GLI3: variants seen among roughly 807,000 people sequenced by gnomAD.
GLI3 encodes transcription activator GLI3.
A neutral mutation model predicts 100.8 loss-of-function variants in GLI3; 20 were observed. That is an observed-to-expected ratio of 0.20 (90% CI 0.14 to 0.29). The LOEUF is 0.29. Ranked by LOEUF, GLI3 falls within the 10% of genes least tolerant of loss-of-function variation. The pLI, the probability that GLI3 is intolerant of heterozygous loss-of-function variation, is 1.00. For synonymous variants in GLI3, 938 were observed against 860.5 expected (o/e 1.09, Z -1.58); for missense variants, 2,040 against 2,128.5 (o/e 0.96, Z 0.82).
intron 2 of GLI3, among the ~76,000 whole-genome samples, chr7:42,162,906 T>C (rs1313935984): frequency 2.6e-5 from 4 of 151,422 alleles, no homozygotes; most frequent in African/African-American, 7.3e-5. Flanking sequence ...TCCCTTTCTA[T>C]GCATTACTGT....
chr7:42,162,952 G>A (rs1378651686), intron 2 of GLI3, among the ~76,000 whole-genome samples: 2 of 147,242 alleles, frequency 1.4e-5, no homozygotes, highest in East Asian at 2.0e-4. Context: ...CCAGGGGAAG[G>A]AGGAATAAAC....
chr7:42,200,409 C>T (rs889539132), intron 2 of GLI3, among the ~76,000 whole-genome samples: 4 of 152,130 alleles, frequency 2.6e-5, no homozygotes, highest in Non-Finnish European at 5.9e-5. Context: ...CCTTATCCTT[C>T]AAATATTTGT....
At chr7:42,227,090 C>T (rs1441878458) in intron 1 of GLI3, among the ~76,000 whole-genome samples, 1 of 152,180 alleles carries the variant, frequency 6.6e-6, no homozygotes, top group African/African-American at 2.4e-5. Context: ...TTAAGTTCTG[C>T]TTCACTTCAA....
Position 42,160,469 on chromosome 7 carries a change from G to A in GLI3, c.125-12001C>T, listed in dbSNP as rs78579310. The stretch of plus-strand genomic sequence containing the variant: ...CTCATATCCATAGCCTTGGGGTCAC[G>A]GCATACAATATTTCTAATAATTTTG... On this transcript the variant is annotated intron_variant, in intron 2 of 14. Coordinates refer to ENST00000395925, the MANE Select transcript of GLI3 (RefSeq NM_000168.6). Among the ~76,000 whole-genome samples, 164 of 152,200 alleles carry A rather than the reference G, an allele frequency of 1.1e-3. 1 individual carries two copies. The highest frequency in any genetic ancestry group is 7.1e-3 in the South Asian group (34 of 4,820).
chr7:42,018,157 C>T (rs1325223652), intron 10 of GLI3, among the ~76,000 whole-genome samples: 1 of 152,154 alleles, frequency 6.6e-6, no homozygotes, highest in African/African-American at 2.4e-5. Context: ...ACAATTTCTG[C>T]AGGTGCAATT....
chr7:42,083,949 G>A (rs1359189687), intron 3 of GLI3, among the ~76,000 whole-genome samples: 1 of 152,136 alleles, frequency 6.6e-6, no homozygotes, highest in African/African-American at 2.4e-5. Flanking sequence ...TATAAATTAA[G>A]TAAAACAAAT....
At chr7:42,147,194 T>C (rs1452832016) in intron 3 of GLI3, among the ~76,000 whole-genome samples, 1 of 152,202 alleles carries the variant, frequency 6.6e-6, no homozygotes, top group African/African-American at 2.4e-5. Flanking sequence ...CATTCCCCTT[T>C]GCTGCAAGCC....
intron 2 of GLI3, among the ~76,000 whole-genome samples, chr7:42,159,898 C>A (rs1490432920): frequency 6.6e-6 from 1 of 152,138 alleles, no homozygotes; most frequent in Non-Finnish European, 1.5e-5. Context: ...GATGTTATTT[C>A]TTTTTCAATT....
intron 2 of GLI3, among the ~76,000 whole-genome samples, chr7:42,193,716 A>G (rs755320923): frequency 9.2e-5 from 14 of 152,154 alleles, no homozygotes; most frequent in Non-Finnish European, 1.5e-4. Flanking sequence ...GGTTTCCTGG[A>G]TATAAATCAA....
intron 1 of GLI3, among the ~76,000 whole-genome samples, chr7:42,228,131 G>C (rs1183532147): frequency 6.6e-6 from 1 of 152,022 alleles, no homozygotes; most frequent in Admixed American, 6.5e-5. Context: ...GCGCAGCGCT[G>C]TCTGCAGCCG....
chr7:42,255,118 G>A (rs1030151008), intron 1 of GLI3, among the ~76,000 whole-genome samples: 21 of 136,782 alleles, frequency 1.5e-4, no homozygotes, highest in African/African-American at 6.1e-4. Context: ...CTTTTAGTTT[G>A]GAACGCTATT....
At chr7:41,984,743 C>T (rs1015382434) in intron 10 of GLI3, among the ~76,000 whole-genome samples, 2 of 152,232 alleles carry the variant, frequency 1.3e-5, no homozygotes, top group African/African-American at 4.8e-5. Flanking sequence ...CCAGACAGCT[C>T]CCCTGCGCAT....
chr7:42,201,146 CTAA>C (rs1276903090), intron 2 of GLI3, among the ~76,000 whole-genome samples: 2 of 152,048 alleles, frequency 1.3e-5, no homozygotes, highest in Non-Finnish European at 2.9e-5. Context: ...ACAACAATAA[CTAA>C]TAATAAAATA....
In GLI3 at chr7:41,966,100, G is replaced by C. The variant is rs771130092; in HGVS notation, c.2973C>G (p.His991Gln). Residue 991 changes from histidine to glutamine, a missense_variant, in exon 15 of 15, where the codon CAC (histidine) becomes CAG (glutamine). Transcript: ENST00000395925. This position sits in a 1 kb window ranked among gnomAD's most constrained non-coding sequence, Gnocchi z 5.8. Reference protein sequence around the residue: ...DGGAHGYGRRHLQPHDAPGHG... With the variant: ...DGGAHGYGRRQLQPHDAPGHG... ...GGCCCGGCGCATCGTGCGGCTGCAGGTGGCGCCGCCCGTAGCCGTGGGCTC... is the reference window on the plus strand; with the variant it reads ...GGCCCGGCGCATCGTGCGGCTGCAGCTGGCGCCGCCCGTAGCCGTGGGCTC... 11 of 1,572,194 alleles carry C rather than the reference G, an allele frequency of 7.0e-6. No homozygotes were observed. The highest frequency in any genetic ancestry group is 8.6e-6 in the Non-Finnish European group (10 of 1,164,954).
intron 2 of GLI3, among the ~76,000 whole-genome samples, chr7:42,191,498 C>T (rs1472098758): frequency 2.0e-5 from 3 of 151,862 alleles, no homozygotes; most frequent in Admixed American, 1.3e-4. Flanking sequence ...ACTAAAAATA[C>T]AAAATTAGCT....
intron 4 of GLI3, among the ~76,000 whole-genome samples, chr7:42,065,171 A>G (rs1784649567): frequency 6.7e-6 from 1 of 148,978 alleles, no homozygotes; most frequent in South Asian, 2.1e-4. Flanking sequence ...TTTATTTTAT[A>G]AAAATTATAT....
In GLI3 at chr7:41,978,451, C is replaced by T; in HGVS notation, c.1647+148G>A. Reference sequence around the variant, plus strand: ...GCGCTGTCCAACTCAGTCACTCAAACACCGAGGCATTTATCACCAGACAAT... The same window carrying T: ...GCGCTGTCCAACTCAGTCACTCAAATACCGAGGCATTTATCACCAGACAAT... On this transcript the variant is annotated intron_variant, in intron 11 of 14. Coordinates refer to ENST00000395925, the MANE Select transcript of GLI3 (RefSeq NM_000168.6). The T allele has an allele frequency of 1.6e-5, 13 of 789,650 alleles. No homozygotes were observed. In the South Asian group the frequency reaches 1.7e-4, roughly 10 times the overall value. The allele number at this position is 789,650 out of a possible 1,614,324, so 48.9% of individuals were successfully genotyped here.
At chr7:41,968,595 A>G (rs1787251765) in intron 13 of GLI3, among the ~76,000 whole-genome samples, 1 of 152,086 alleles carries the variant, frequency 6.6e-6, no homozygotes, top group Non-Finnish European at 1.5e-5. Flanking sequence ...TTGCTTTTGT[A>G]GAACCTCAAC....
At chr7:42,189,444 G>A (rs1583633820) in intron 2 of GLI3, among the ~76,000 whole-genome samples, 1 of 152,184 alleles carries the variant, frequency 6.6e-6, no homozygotes, top group East Asian at 1.9e-4. Context: ...ACTCCTTCCT[G>A]TATTGAGTAC....
Sources: allele counts gnomAD v4.1 joint callset (sites outside exome capture counted in the v4.1 genomes callset), GRCh38; gene constraint gnomAD v4.1.1; non-coding constraint Gnocchi (gnomAD v3.1); transcripts MANE v1.5; gene names NCBI Gene and HGNC (gene_info 2026-07-23, HGNC 2026-07-21).